EDNRA: variants seen among roughly 807,000 people sequenced by gnomAD.
The protein encoded by EDNRA is endothelin-1 receptor.
EDNRA carries 11 observed loss-of-function variants against 41.4 expected under a neutral mutation model. That is an observed-to-expected ratio of 0.27 (90% CI 0.17 to 0.44). The LOEUF is 0.44. EDNRA is among the 20% of genes least tolerant of loss of function. The pLI, the probability that EDNRA is intolerant of heterozygous loss-of-function variation, is 1.00. For missense variants in EDNRA, 294 were observed against 531.0 expected, an observed-to-expected ratio of 0.55 and a Z score of 4.39; for synonymous variants, 172 against 183.0, an observed-to-expected ratio of 0.94 and a Z score of 0.49.
intron 2 of EDNRA, chr4:147,496,021 A>G (rs902972857): frequency 6.6e-6 from 1 of 152,264 alleles, no homozygotes; most frequent in African/African-American, 2.4e-5. Context: ...ATTAATTCCT[A>G]ATTTTAAAAG....
intron 2 of EDNRA, among the ~76,000 whole-genome samples, chr4:147,505,765 CA>C (rs1729689723): frequency 2.0e-5 from 3 of 150,612 alleles, no homozygotes; most frequent in Admixed American, 1.3e-4. Flanking sequence ...TCTCCTGCCT[CA>C]GCCTCCCGAG....
chr4:147,512,398 C>G (rs541772866), intron 2 of EDNRA, among the ~76,000 whole-genome samples: 16 of 152,270 alleles, frequency 1.1e-4, no homozygotes, highest in African/African-American at 3.9e-4. Flanking sequence ...TTATTAACAT[C>G]TATGTATTTC....
At chr4:147,499,424 A>G (rs1008992970) in intron 2 of EDNRA, among the ~76,000 whole-genome samples, 4 of 152,230 alleles carry the variant, frequency 2.6e-5, no homozygotes, top group Admixed American at 2.0e-4. Context: ...CCCACTAGGC[A>G]TAATGACATA....
intron 3 of EDNRA, among the ~76,000 whole-genome samples, 181 bp from the exon 4 acceptor site, chr4:147,532,325 C>CAAAAAAAAAAAAAAAAAA (rs59851236): frequency 9.9e-5 from 6 of 60,390 alleles, no homozygotes; most frequent in African/African-American, 3.8e-4. Context: ...GATTTTGCCT[C>CAAAAAAAAAAAAAAAAAA]AAAAAAAAAA....
intron 2 of EDNRA, among the ~76,000 whole-genome samples, chr4:147,510,714 A>G (rs1729890134): frequency 6.6e-6 from 1 of 152,226 alleles, no homozygotes; most frequent in Non-Finnish European, 1.5e-5. Flanking sequence ...AGGCAAATAA[A>G]TAGTCTCAAG....
At position 147,543,583 on chromosome 4, in the gene EDNRA, A is replaced by G. The variant is rs200076817; in HGVS notation, c.*965A>G. On this transcript the variant is annotated 3_prime_UTR_variant, in exon 8 of 8. Coordinates refer to ENST00000651419, the MANE Select transcript of EDNRA (RefSeq NM_001957.4). Reference sequence around the variant, plus strand: ...CACTGTATATAGAAGTCTAAAACACACCTAAGAGAAAAAGATCGAATTTTT... The same window carrying G: ...CACTGTATATAGAAGTCTAAAACACGCCTAAGAGAAAAAGATCGAATTTTT... The G allele has an allele frequency of 6.6e-6, 1 of 152,168 alleles. No individual in the cohort carries two copies. The highest frequency in any genetic ancestry group is 1.5e-5 in the Non-Finnish European group (1 of 68,030). The allele number at this position is 152,168 out of a possible 1,614,324, so 9.4% of individuals were successfully genotyped here.
chr4:147,539,778 C>T (rs1485194394), intron 5 of EDNRA, 39 bp from the exon 6 acceptor site: 9 of 1,595,050 alleles, frequency 5.6e-6, no homozygotes, highest in Non-Finnish European at 6.8e-6. Context: ...TATAAAAACA[C>T]TAAATTTGTT....
intron 2 of EDNRA, chr4:147,489,192 C>G (rs541819034): frequency 6.6e-6 from 1 of 151,970 alleles, no homozygotes; most frequent in Non-Finnish European, 1.5e-5. Flanking sequence ...TTATGGGGTG[C>G]AAGTGTAGTT....
intron 2 of EDNRA, among the ~76,000 whole-genome samples, chr4:147,514,094 G>A (rs1451601919): frequency 2.0e-5 from 3 of 152,166 alleles, no homozygotes; most frequent in East Asian, 1.9e-4. Context: ...TGTTCAGTTT[G>A]CAGAATTCTT....
rs2126474614 is a variant in EDNRA at position 147,532,552 on chromosome 4, C to A, written c.595C>A (p.Pro199Thr). 6.2e-7 allele frequency: 1 copy of A among 1,613,778 alleles called. No homozygotes were observed. The highest frequency in any genetic ancestry group is 1.3e-5 in the African/African-American group (1 of 74,964). Residue 199 changes from proline to threonine, a missense_variant, in exon 4 of 8, where the codon CCT (proline) becomes ACT (threonine). This residue lies in a region of EDNRA where 185 missense variants were observed against 390.8 expected (regional missense o/e 0.47). Coordinates refer to ENST00000651419, the MANE Select transcript of EDNRA (RefSeq NM_001957.4). ...GAGTCGTGTTCAGGGAATTGGGATT[C>A]CTTTGGTAACTGCCATTGAAATTGT... ...SWSRVQGIGIPLVTAIEIVSI... is the reference protein window; with the variant it reads ...SWSRVQGIGITLVTAIEIVSI...
At chr4:147,525,441 G>T (rs2126459950) in intron 3 of EDNRA, among the ~76,000 whole-genome samples, 1 of 152,200 alleles carries the variant, frequency 6.6e-6, no homozygotes, top group Non-Finnish European at 1.5e-5. Flanking sequence ...CTTTCTTGTT[G>T]AATTATCTTT....
At chr4:147,514,396 T>C (rs1730030991) in intron 2 of EDNRA, among the ~76,000 whole-genome samples, 1 of 152,150 alleles carries the variant, frequency 6.6e-6, no homozygotes, top group Non-Finnish European at 1.5e-5. Flanking sequence ...GCTGATGTCT[T>C]TAGGGACTAT....
intron 1 of EDNRA, among the ~76,000 whole-genome samples, chr4:147,483,307 A>T (rs914150652): frequency 2.6e-5 from 4 of 152,246 alleles, no homozygotes; most frequent in African/African-American, 9.6e-5. Flanking sequence ...AAGTCCTATA[A>T]GCAAAATTAT....
chr4:147,506,835 T>C (rs1033252698), intron 2 of EDNRA: 6 of 174,848 alleles, frequency 3.4e-5, no homozygotes, highest in South Asian at 1.7e-4. Flanking sequence ...ACTGGAAGGC[T>C]TGAACACCGT....
At chr4:147,493,038 C>G (rs1410307939) in intron 2 of EDNRA, 1 of 152,184 alleles carries the variant, frequency 6.6e-6, no homozygotes, top group Non-Finnish European at 1.5e-5. Context: ...CCGTCCATCA[C>G]TGCAAGACTG....
intron 2 of EDNRA, among the ~76,000 whole-genome samples, chr4:147,502,753 G>A (rs993370399): frequency 2.4e-4 from 37 of 152,202 alleles, no homozygotes; most frequent in African/African-American, 8.7e-4. Flanking sequence ...ACAACTTTAC[G>A]GTGACAACTG....
chr4:147,529,864 T>C (rs1297976146), intron 3 of EDNRA, among the ~76,000 whole-genome samples: 1 of 152,204 alleles, frequency 6.6e-6, no homozygotes, highest in Non-Finnish European at 1.5e-5. Flanking sequence ...AAATGATTGT[T>C]CCTAATTGTT....
At chr4:147,500,533 C>T (rs781533119) in intron 2 of EDNRA, among the ~76,000 whole-genome samples, 3 of 152,132 alleles carry the variant, frequency 2.0e-5, no homozygotes, top group African/African-American at 4.8e-5. Context: ...GCCAGAGTAA[C>T]ATGATGAAAC....
At chr4:147,487,516 A>T (rs1003392458) in intron 2 of EDNRA, among the ~76,000 whole-genome samples, 1 of 152,224 alleles carries the variant, frequency 6.6e-6, no homozygotes, top group Non-Finnish European at 1.5e-5. Flanking sequence ...TCTAAGAGGT[A>T]ATATTCTGAA....
Sources: allele counts gnomAD v4.1 joint callset (sites outside exome capture counted in the v4.1 genomes callset), GRCh38; gene constraint gnomAD v4.1.1; regional missense constraint gnomAD v4.1.1; transcripts MANE v1.5; gene names NCBI Gene and HGNC (gene_info 2026-07-23, HGNC 2026-07-21).